The following RAB39A variants were observed in gnomAD, a reference collection of about 807,000 sequenced individuals.
RAB39A encodes the protein ras-related protein Rab-39A.
A neutral mutation model predicts 20.9 loss-of-function variants in RAB39A; 17 were observed. The ratio of observed to expected loss-of-function variants is 0.81; its 90% CI spans 0.56 to 1.22. RAB39A has a LOEUF of 1.22. Among genes scored for constraint, RAB39A ranks in the 50% most tolerant of loss-of-function variants. The pLI, the probability that RAB39A is intolerant of heterozygous loss-of-function variation, is 0.00. For missense variants in RAB39A, 234 were observed against 270.5 expected, an observed-to-expected ratio of 0.87 and a Z score of 0.95; for synonymous variants, 99 against 103.4, an observed-to-expected ratio of 0.96 and a Z score of 0.26.
chr11:107,936,214 C>G (rs1861193375), intron 1 of RAB39A, among the ~76,000 whole-genome samples: 1 of 152,038 alleles, frequency 6.6e-6, no homozygotes, highest in African/African-American at 2.4e-5. Context: ...TTTCCTAGCC[C>G]TTGCTCAAAA....
intron 1 of RAB39A, among the ~76,000 whole-genome samples, chr11:107,936,443 G>T (rs913942963): frequency 1.3e-5 from 2 of 150,638 alleles, no homozygotes; most frequent in African/African-American, 2.4e-5. Flanking sequence ...ACTGGCTACC[G>T]CATGTGTCTG....
At chr11:107,929,769 G>A (rs1861118292) in intron 1 of RAB39A, among the ~76,000 whole-genome samples, 1 of 152,186 alleles carries the variant, frequency 6.6e-6, no homozygotes, top group African/African-American at 2.4e-5. Context: ...ATTTGAGATG[G>A]AAGCAGGTTT....
chr11:107,936,478 A>G (rs1189364237), intron 1 of RAB39A, among the ~76,000 whole-genome samples: 1 of 152,054 alleles, frequency 6.6e-6, no homozygotes, highest in Non-Finnish European at 1.5e-5. Context: ...TCTTCCAAAC[A>G]TCCATATAAA....
intron 1 of RAB39A, among the ~76,000 whole-genome samples, chr11:107,958,470 C>T (rs924028309): frequency 1.3e-5 from 2 of 152,140 alleles, no homozygotes; most frequent in Non-Finnish European, 2.9e-5. Flanking sequence ...TCAAGTTTTC[C>T]ATCTGAAGCT....
At chr11:107,929,899 G>A (rs914128154) in intron 1 of RAB39A, among the ~76,000 whole-genome samples, 4 of 152,168 alleles carry the variant, frequency 2.6e-5, no homozygotes, top group African/African-American at 9.7e-5. Context: ...ACTCATTTAA[G>A]GAAGCATTTT....
intron 1 of RAB39A, among the ~76,000 whole-genome samples, chr11:107,933,680 T>TC (rs1861164058): frequency 2.1e-5 from 2 of 94,652 alleles, no homozygotes; most frequent in African/African-American, 7.0e-5. Context: ...CCTGTGATTC[T>TC]TTTTTTTTTT....
At position 107,963,071 on chromosome 11, in the gene RAB39A, C is replaced by T. The variant is rs1276600012; in HGVS notation, c.*699C>T. 2.0e-5 allele frequency: 3 copies of T among 148,110 alleles called. No homozygotes were observed. The highest frequency in any genetic ancestry group is 4.5e-5 in the Non-Finnish European group (3 of 66,804). 9.2% of individuals were successfully genotyped at this position (148,110 alleles called of 1,614,324 possible). A position where few individuals can be genotyped will look rare whatever the true frequency, so the allele number is the denominator to read the frequency against. Reference sequence around the variant, plus strand: ...CGCTCACCAAATGTTTGAAATGTTGCTTTTTTTTTTTGAGACAGGGTCTTG... The same window carrying T: ...CGCTCACCAAATGTTTGAAATGTTGTTTTTTTTTTTTGAGACAGGGTCTTG... On this transcript the variant is annotated 3_prime_UTR_variant, in exon 2 of 2. Transcript: ENST00000320578.
chr11:107,946,765 C>T (rs1199971467), intron 1 of RAB39A, among the ~76,000 whole-genome samples: 4 of 151,184 alleles, frequency 2.6e-5, no homozygotes, highest in South Asian at 2.1e-4. Context: ...TGAGCCACCG[C>T]GCCCAGCCGA....
At chr11:107,958,523 G>A (rs1273676174) in intron 1 of RAB39A, among the ~76,000 whole-genome samples, 4 of 152,154 alleles carry the variant, frequency 2.6e-5, no homozygotes, top group African/African-American at 9.7e-5. Context: ...GTGCCCAATT[G>A]TTTTAGGAAA....
intron 1 of RAB39A, among the ~76,000 whole-genome samples, chr11:107,959,765 G>C (rs555515198): frequency 6.6e-6 from 1 of 152,278 alleles, no homozygotes; most frequent in South Asian, 2.1e-4. Flanking sequence ...AAGTATGACG[G>C]TAACAAATAA....
chr11:107,946,947 G>A (rs922226149), intron 1 of RAB39A, among the ~76,000 whole-genome samples: 2 of 151,752 alleles, frequency 1.3e-5, no homozygotes, highest in African/African-American at 4.8e-5. Context: ...TTAGCCAGAC[G>A]TGCTCGCTTG....
In RAB39A at chr11:107,928,647, C is replaced by T; in HGVS notation, c.79C>T (p.Arg27Cys). 6.2e-7 allele frequency: 1 copy of T among 1,611,674 alleles called. No homozygotes were observed. Among genetic ancestry groups the T allele is most frequent in the Non-Finnish European group, 8.5e-7 (1 of 1,178,322 alleles). The change falls in exon 1 of 2, where the codon CGC becomes TGC. Residue 27 changes from arginine (R) to cysteine (C), a missense_variant. Arg to Cys is a radical substitution (Grantham distance 180, BLOSUM62 -3). Coordinates refer to ENST00000320578, the MANE Select transcript of RAB39A (RefSeq NM_017516.3). The surrounding 1 kb of genome is among the most constrained non-coding windows in gnomAD (Gnocchi z 4.9). The part of the protein sequence containing the change: ...STVGKSCLLH[R>C]FTQGRFPGLR... ...CGTGGGCAAGTCCTGCCTCCTGCAC[C>T]GCTTCACCCAGGGCCGCTTCCCCGG...
chr11:107,947,393 C>T (rs1861329988), intron 1 of RAB39A, among the ~76,000 whole-genome samples: 1 of 152,098 alleles, frequency 6.6e-6, no homozygotes, highest in Admixed American at 6.6e-5. Context: ...AGGTATGAGC[C>T]ACCGCGCCTG....
At chr11:107,959,666 G>A (rs1371453573) in intron 1 of RAB39A, among the ~76,000 whole-genome samples, 1 of 152,172 alleles carries the variant, frequency 6.6e-6, no homozygotes, top group Non-Finnish European at 1.5e-5. Flanking sequence ...GAAAGAGGAG[G>A]TAAAATGGTT....
intron 1 of RAB39A, among the ~76,000 whole-genome samples, chr11:107,960,978 A>G (rs1861490563): frequency 6.6e-6 from 1 of 152,180 alleles, no homozygotes. Flanking sequence ...CCTCAGGCCT[A>G]GAGAAGGATG....
chr11:107,954,030 A>G (rs1861408735), intron 1 of RAB39A, among the ~76,000 whole-genome samples: 1 of 152,216 alleles, frequency 6.6e-6, no homozygotes, highest in African/African-American at 2.4e-5. Context: ...ATGACTATGT[A>G]TAAGGCAGTC....
intron 1 of RAB39A, among the ~76,000 whole-genome samples, chr11:107,941,164 G>A (rs2134958034): frequency 6.6e-6 from 1 of 152,218 alleles, no homozygotes; most frequent in African/African-American, 2.4e-5. Context: ...TGAGAAAAGG[G>A]TTTCTTGATC....
chr11:107,946,756 G>C (rs1194253244), intron 1 of RAB39A, among the ~76,000 whole-genome samples: 1 of 150,796 alleles, frequency 6.6e-6, no homozygotes, highest in Non-Finnish European at 1.5e-5. Flanking sequence ...TTACAGGCGT[G>C]AGCCACCGCG....
chr11:107,961,747 G>A (rs375148058), intron 1 of RAB39A, among the ~76,000 whole-genome samples, 199 bp from the exon 2 acceptor site: 21 of 152,156 alleles, frequency 1.4e-4, no homozygotes, highest in South Asian at 1.0e-3. Flanking sequence ...TACTACTTTC[G>A]TGTTCTGTCA....
Sources: allele counts gnomAD v4.1 joint callset (sites outside exome capture counted in the v4.1 genomes callset), GRCh38; gene constraint gnomAD v4.1.1; non-coding constraint Gnocchi (gnomAD v3.1); transcripts MANE v1.5; gene names NCBI Gene and HGNC (gene_info 2026-07-23, HGNC 2026-07-21).